Variants in RYK observed in about 807,000 individuals in gnomAD.
The protein encoded by RYK is receptor like tyrosine kinase, also known as inactive tyrosine-protein kinase RYK.
A neutral mutation model predicts 70.2 loss-of-function variants in RYK; 21 were observed. That is an observed-to-expected ratio of 0.30 (90% CI 0.21 to 0.43). The LOEUF (loss-of-function observed/expected upper bound fraction) is 0.43, where lower values mean the gene tolerates loss of function less well. RYK is among the 20% of genes least tolerant of loss of function. The pLI is 1.00. For missense variants in RYK, 604 were observed against 753.3 expected, an observed-to-expected ratio of 0.80 and a Z score of 2.32; for synonymous variants, 267 against 278.0, an observed-to-expected ratio of 0.96 and a Z score of 0.39.
intron 1 of RYK, 147 bp from the exon 2 acceptor site, chr3:134,222,686 G>A: frequency 1.6e-6 from 1 of 632,860 alleles, no homozygotes; most frequent in Non-Finnish European, 2.6e-6. Context: ...GCCTTATGAA[G>A]CAAAAAAGAC....
chr3:134,238,070 T>A (rs1475497780), intron 1 of RYK, among the ~76,000 whole-genome samples: 1 of 152,208 alleles, frequency 6.6e-6, no homozygotes, highest in Admixed American at 6.5e-5. Context: ...AAATAACAGT[T>A]TGTTCATCAG....
intron 1 of RYK, among the ~76,000 whole-genome samples, chr3:134,247,295 G>T (rs932032561): frequency 2.0e-5 from 3 of 152,102 alleles, no homozygotes; most frequent in Admixed American, 2.0e-4. Flanking sequence ...TTAGAATGAC[G>T]AAAGTAAAAA....
At chr3:134,222,356 C>T (rs1026249941) in intron 2 of RYK, 62 bp downstream of exon 2, 1 of 1,595,542 alleles carries the variant, frequency 6.3e-7, no homozygotes, top group African/African-American at 1.3e-5. Flanking sequence ...TCCTCAAACA[C>T]AGCCCTTGCC....
intron 1 of RYK, among the ~76,000 whole-genome samples, chr3:134,223,114 A>T (rs1039870241): frequency 2.0e-5 from 3 of 152,178 alleles, no homozygotes; most frequent in African/African-American, 7.2e-5. Context: ...CAAGACTACA[A>T]AGGGAAGAAC....
At chr3:134,188,703 T>C (rs545073002) in intron 9 of RYK, 134 bp downstream of exon 9, 1 of 575,284 alleles carries the variant, frequency 1.7e-6, no homozygotes, top group African/African-American at 1.9e-5. Context: ...AAGACAATTT[T>C]TGTTTTCAGC....
At chr3:134,171,215 G>A (rs1406094713) in intron 13 of RYK, 1 of 152,212 alleles carries the variant, frequency 6.6e-6, no homozygotes, top group Non-Finnish European at 1.5e-5. Context: ...AGTATTTGGT[G>A]TAACTGCATT....
intron 3 of RYK, 116 bp from the exon 4 acceptor site, chr3:134,209,945 A>G: frequency 1.2e-6 from 1 of 810,740 alleles, no homozygotes; most frequent in Non-Finnish European, 1.9e-6. Flanking sequence ...GAAAACTAAA[A>G]GTAATACATT....
At chr3:134,229,153 A>G (rs542520699) in intron 1 of RYK, among the ~76,000 whole-genome samples, 1 of 152,334 alleles carries the variant, frequency 6.6e-6, no homozygotes, top group South Asian at 2.1e-4. Flanking sequence ...TAAAGCTTCT[A>G]AAAGAAAACG....
At chr3:134,163,588 T>C (rs993639774) in intron 13 of RYK, among the ~76,000 whole-genome samples, 5 of 149,622 alleles carry the variant, frequency 3.3e-5, no homozygotes, top group Admixed American at 1.4e-4. Context: ...TGTCAAAAAG[T>C]ATGTAAGTAA....
chr3:134,209,942 A>G (rs1015709730), intron 3 of RYK, 113 bp from the exon 4 acceptor site: 23 of 831,836 alleles, frequency 2.8e-5, no homozygotes, highest in Non-Finnish European at 4.2e-5. Context: ...CAAGAAAACT[A>G]AAAGTAATAC....
chr3:134,212,309 C>T (rs2014428271), intron 2 of RYK, among the ~76,000 whole-genome samples: 1 of 152,216 alleles, frequency 6.6e-6, no homozygotes, highest in South Asian at 2.1e-4. Context: ...ATAATTAAGG[C>T]TCTGTTGCTA....
intron 14 of RYK, among the ~76,000 whole-genome samples, chr3:134,158,677 G>A (rs2012335975): frequency 6.6e-6 from 1 of 152,162 alleles, no homozygotes; most frequent in African/African-American, 2.4e-5. Context: ...GAAACCTTCA[G>A]GAGGTTCTGG....
At chr3:134,166,357 C>T (rs903467559) in intron 13 of RYK, among the ~76,000 whole-genome samples, 1 of 152,172 alleles carries the variant, frequency 6.6e-6, no homozygotes, top group African/African-American at 2.4e-5. Context: ...TAATTTTGGA[C>T]TTCCTAGACT....
At chr3:134,220,729 T>C (rs2014709521) in intron 2 of RYK, among the ~76,000 whole-genome samples, 1 of 152,204 alleles carries the variant, frequency 6.6e-6, no homozygotes, top group Non-Finnish European at 1.5e-5. Context: ...TTTCTGTGTT[T>C]CTATATTCAT....
At chr3:134,211,701 T>A in intron 2 of RYK, 94 bp from the exon 3 acceptor site, 2 of 774,280 alleles carry the variant, frequency 2.6e-6, no homozygotes, top group South Asian at 1.6e-5. Flanking sequence ...AATCAATGGA[T>A]GAGCCTTTCA....
intron 9 of RYK, among the ~76,000 whole-genome samples, chr3:134,185,119 G>C (rs2013420449): frequency 6.7e-6 from 1 of 148,990 alleles, no homozygotes; most frequent in Admixed American, 6.7e-5. Context: ...GGGTGACAGA[G>C]TGAGACCCCA....
intron 2 of RYK, among the ~76,000 whole-genome samples, chr3:134,213,804 T>C (rs546650475): frequency 4.9e-4 from 74 of 152,170 alleles, no homozygotes; most frequent in African/African-American, 1.8e-3. Flanking sequence ...TACTTTGAAG[T>C]TTATAACTTC....
chr3:134,188,911 C>T lies in RYK; in HGVS notation c.1028G>A (p.Arg343His), dbSNP rs530455784. 6.3e-5 allele frequency: 98 copies of T among 1,552,126 alleles called. No individual in the cohort carries two copies. Among genetic ancestry groups the T allele is most frequent in the African/African-American group, 2.3e-4 (17 of 73,238 alleles). The change falls in exon 9 of 15, where the codon CGT (arginine) becomes CAT (histidine). Residue 343 changes from arginine (R) to histidine (H), a missense_variant. Around this residue, in one of 2 missense-constraint regions of RYK, gnomAD observed 466 missense variants for 535.9 expected, o/e 0.87. Coordinates refer to ENST00000623711, the MANE Select transcript of RYK (RefSeq NM_002958.4). ...ATCTATTAAAATCCCATGGAAAATA[C>T]GCCCAAAAGTACCTAAAAGGAAAAG... ...KDVLQEGTFG[R>H]IFHGILIDEK...
At chr3:134,191,799 G>A (rs1482981476) in intron 8 of RYK, 50 bp downstream of exon 8, 1 of 1,483,248 alleles carries the variant, frequency 6.7e-7, no homozygotes, top group Non-Finnish European at 9.1e-7. Flanking sequence ...AGTGTCTATA[G>A]TGGTAACATT....
Sources: gnomAD v4.1 joint callset for allele counts (sites outside exome capture counted in the v4.1 genomes callset) on GRCh38, gnomAD v4.1.1 for gene constraint, gnomAD v4.1.1 regional missense constraint, MANE v1.5 for transcripts, NCBI Gene and HGNC (gene_info 2026-07-23, HGNC 2026-07-21) for gene names.